The following VPS35L variants were observed in gnomAD, a reference collection of about 807,000 sequenced individuals.
VPS35L encodes the protein VPS35 endosomal protein-sorting factor-like.
A neutral mutation model predicts 133.0 loss-of-function variants in VPS35L; 83 were observed. That is an observed-to-expected ratio of 0.62 (90% CI 0.52 to 0.75). The LOEUF is 0.75. Ranked by LOEUF, VPS35L falls within the 30% of genes least tolerant of loss-of-function variation. The pLI is 0.00. For missense variants in VPS35L, 1,083 were observed against 1,206.8 expected (o/e 0.90, Z 1.52); for synonymous variants, 423 against 449.9 (o/e 0.94, Z 0.76).
intron 7 of VPS35L, among the ~76,000 whole-genome samples, chr16:19,585,001 G>C (rs1019539931): frequency 2.0e-5 from 3 of 152,052 alleles, no homozygotes; most frequent in African/African-American, 7.2e-5. Flanking sequence ...CAGCTCTTTT[G>C]TCCATTTTTT....
rs763905574 is a variant in VPS35L, at chr16:19,610,370, C to T, written c.978C>T (p.Ile326=). The T allele has an allele frequency of 1.8e-5, 29 of 1,613,936 alleles. No homozygotes were observed. Among genetic ancestry groups the T allele is most frequent in the Admixed American group, 3.3e-5 (2 of 60,002 alleles). The stretch of plus-strand genomic sequence containing the variant: ...GGTTGACATGCATGATCAGAGGGAT[C>T]GGAGACCCACTAGTGTCGGTGTATG... ...LPRLTCMIRG[I]GDPLVSVYAR... The change falls in exon 12 of 31, where the codon ATC becomes ATT. Residue 326 remains isoleucine, a synonymous_variant. Transcript: ENST00000417362.
intron 23 of VPS35L, among the ~76,000 whole-genome samples, chr16:19,646,667 G>GAA (rs67569709): frequency 1.9e-4 from 28 of 143,862 alleles, no homozygotes; most frequent in South Asian, 2.2e-4. Flanking sequence ...TCTGTCTTGG[G>GAA]AAAAAAAAAA....
At chr16:19,576,290 TAGAG>T (rs1971536182) in intron 5 of VPS35L, among the ~76,000 whole-genome samples, 1 of 152,168 alleles carries the variant, frequency 6.6e-6, no homozygotes, top group African/African-American at 2.4e-5. Flanking sequence ...AACTGGGTTT[TAGAG>T]AGCCTTTCCC....
chr16:19,608,840 C>T (rs1325040752), intron 10 of VPS35L, 134 bp from the exon 11 acceptor site: 15 of 649,640 alleles, frequency 2.3e-5, no homozygotes, highest in Admixed American at 1.7e-4. Flanking sequence ...TACCTTAGTT[C>T]GCTGGATTGT....
At chr16:19,659,021 A>G (rs1974396740) in intron 26 of VPS35L, among the ~76,000 whole-genome samples, 2 of 152,202 alleles carry the variant, frequency 1.3e-5, no homozygotes, top group Admixed American at 1.3e-4. Context: ...GCCTCTCTAT[A>G]TTAGGTTAGT....
At chr16:19,683,963 T>C (rs889859881) in intron 28 of VPS35L, among the ~76,000 whole-genome samples, 2 of 152,184 alleles carry the variant, frequency 1.3e-5, no homozygotes, top group African/African-American at 4.8e-5. Context: ...CTCTTTTGGA[T>C]CAGTGTGCTA....
intron 8 of VPS35L, among the ~76,000 whole-genome samples, chr16:19,598,203 A>G (rs1283364973): frequency 6.6e-6 from 1 of 152,186 alleles, no homozygotes; most frequent in Non-Finnish European, 1.5e-5. Context: ...GGATTAAATG[A>G]GAGGATTCAT....
intron 27 of VPS35L, among the ~76,000 whole-genome samples, chr16:19,677,233 TTTTA>T (rs571967703): frequency 6.6e-6 from 1 of 151,788 alleles, no homozygotes; most frequent in Non-Finnish European, 1.5e-5. Context: ...GCCTGGCTAA[TTTTA>T]TTTATTTATT....
intron 19 of VPS35L, among the ~76,000 whole-genome samples, chr16:19,637,359 A>G (rs922380600): frequency 6.6e-6 from 1 of 152,164 alleles, no homozygotes; most frequent in African/African-American, 2.4e-5. Context: ...AGGACTATGA[A>G]GTAGGATGTA....
At chr16:19,645,290 C>CTTT (rs11337040) in intron 23 of VPS35L, among the ~76,000 whole-genome samples, 2 of 128,474 alleles carry the variant, frequency 1.6e-5, no homozygotes, top group Middle Eastern at 3.5e-3. Flanking sequence ...TGTCTTTTTT[C>CTTT]TTTTTTTTTT....
chr16:19,619,604 A>G (rs1045782701), intron 14 of VPS35L, among the ~76,000 whole-genome samples: 1 of 152,134 alleles, frequency 6.6e-6, no homozygotes, highest in Non-Finnish European at 1.5e-5. Flanking sequence ...CAGATTAAAA[A>G]CAAAATGTCA....
At chr16:19,567,876 A>C (rs893849012) in intron 2 of VPS35L, among the ~76,000 whole-genome samples, 5 of 151,946 alleles carry the variant, frequency 3.3e-5, no homozygotes, top group African/African-American at 1.2e-4. Context: ...AGACGGAGGC[A>C]GGAAGATTGC....
At chr16:19,568,771 G>C (rs931722058) in intron 2 of VPS35L, among the ~76,000 whole-genome samples, 1 of 152,124 alleles carries the variant, frequency 6.6e-6, no homozygotes, top group Non-Finnish European at 1.5e-5. Context: ...TCAGCCTTCT[G>C]AGTAGCTGGG....
intron 26 of VPS35L, among the ~76,000 whole-genome samples, chr16:19,661,225 T>C (rs1974476370): frequency 6.6e-6 from 1 of 151,756 alleles, no homozygotes; most frequent in African/African-American, 2.4e-5. Context: ...TGTTTCTTCT[T>C]TTTTTTTGGA....
At chr16:19,623,963 T>C (rs1181595730) in intron 14 of VPS35L, among the ~76,000 whole-genome samples, 1 of 150,186 alleles carries the variant, frequency 6.7e-6, no homozygotes, top group Non-Finnish European at 1.5e-5. Context: ...ACCACCATGC[T>C]TGGCTAATTT....
chr16:19,611,741 G>A (rs1448912632), intron 12 of VPS35L: 1 of 151,886 alleles, frequency 6.6e-6, no homozygotes, highest in Non-Finnish European at 1.5e-5. Context: ...AGGCCAAAGT[G>A]TGTATGCATC....
At chr16:19,682,693 C>G (rs1005960347) in intron 28 of VPS35L, among the ~76,000 whole-genome samples, 1 of 152,182 alleles carries the variant, frequency 6.6e-6, no homozygotes, top group Non-Finnish European at 1.5e-5. Context: ...CAAACCCTGT[C>G]TCTACTAAAA....
intron 6 of VPS35L, 57 bp from the exon 7 acceptor site, chr16:19,581,468 G>T: frequency 6.7e-7 from 1 of 1,491,304 alleles, no homozygotes. Context: ...CTTTATAAGG[G>T]TGTAGTCGAG....
Position 19,588,028 on chromosome 16 carries a change from G to C in VPS35L, c.640-3762G>C, listed in dbSNP as rs1438093869. 2.0e-5 allele frequency among the ~76,000 whole-genome samples: 3 copies of C among 151,738 alleles called. No homozygotes were observed. The East Asian group carries it at 5.9e-4, about 30-fold the overall frequency. ...TTGGCCAGGGTGGTCTCGAACTCCT[G>C]ACCTCGAGTGATCCACCCACCTCGG... On this transcript the variant is annotated intron_variant, in intron 7 of 30. Transcript: ENST00000417362.
Sources: gnomAD v4.1 joint callset for allele counts (sites outside exome capture counted in the v4.1 genomes callset) on GRCh38, gnomAD v4.1.1 for gene constraint, MANE v1.5 for transcripts, NCBI Gene and HGNC (gene_info 2026-07-23, HGNC 2026-07-21) for gene names.